The following CNTNAP2 variants were observed in gnomAD, a reference collection of about 807,000 sequenced individuals.
CNTNAP2 encodes the protein contactin associated protein 2, also known as contactin-associated protein-like 2.
A neutral mutation model predicts 155.2 loss-of-function variants in CNTNAP2; 98 were observed. The ratio of observed to expected loss-of-function variants is 0.63; its 90% confidence interval spans 0.54 to 0.75. The LOEUF is 0.75. CNTNAP2 is among the 30% of genes least tolerant of loss of function. The pLI is 0.00. For synonymous variants in CNTNAP2, 651 were observed against 631.2 expected, an observed-to-expected ratio of 1.03 and a Z score of -0.47; for missense variants, 1,727 against 1,688.1, an observed-to-expected ratio of 1.02 and a Z score of -0.40.
chr7:146,611,275 G>A (rs911701937), intron 1 of CNTNAP2, among the ~76,000 whole-genome samples: 6 of 151,912 alleles, frequency 3.9e-5, no homozygotes, highest in African/African-American at 1.5e-4. Flanking sequence ...TTTTTTTGTC[G>A]ATACAGAGTC....
intron 9 of CNTNAP2, among the ~76,000 whole-genome samples, chr7:147,378,982 C>T (rs73475214): frequency 0.025 from 3,819 of 152,092 alleles, 183 homozygotes; most frequent in African/African-American, 0.087. Context: ...CAGCAGTTCC[C>T]CCCATGCTAT....
intron 1 of CNTNAP2, among the ~76,000 whole-genome samples, chr7:146,284,337 A>G (rs897893574): frequency 1.3e-5 from 2 of 152,004 alleles, no homozygotes; most frequent in Non-Finnish European, 2.9e-5. Context: ...AACAATTTAT[A>G]GACATTTTAT....
chr7:147,238,901 T>G (rs1414231486), intron 8 of CNTNAP2, among the ~76,000 whole-genome samples: 1 of 152,236 alleles, frequency 6.6e-6, no homozygotes, highest in Admixed American at 6.5e-5. Context: ...AGGTTTGTTC[T>G]TATTTCTGGC....
At chr7:146,188,305 G>A (rs767807217) in intron 1 of CNTNAP2, among the ~76,000 whole-genome samples, 3 of 152,146 alleles carry the variant, frequency 2.0e-5, no homozygotes, top group East Asian at 1.9e-4. Flanking sequence ...TTTTTGGAAC[G>A]TGAATTACCG....
At chr7:148,251,662 C>T (rs1796364579) in intron 20 of CNTNAP2, among the ~76,000 whole-genome samples, 1 of 152,228 alleles carries the variant, frequency 6.6e-6, no homozygotes, top group African/African-American at 2.4e-5. Flanking sequence ...CTTCTCTCCT[C>T]AGTTCTCATC....
rs191590178 is a variant in CNTNAP2 at position 146,562,722 on chromosome 7, A to G, written c.98-211549A>G. ...TTTTTATGATAATGAAACAAAAAAT[A>G]CAGTTTCCAAAATATATTTTTCACT... On this transcript the variant is annotated intron_variant, in intron 1 of 23. Transcript: ENST00000361727. Among the ~76,000 whole-genome samples the G allele has an allele frequency of 6.9e-3, 1,048 of 152,312 alleles. 16 individuals are homozygous for G. Among genetic ancestry groups the G allele is most frequent in the African/African-American group, 0.024 (984 of 41,582 alleles).
At chr7:147,051,186 A>G (rs949743176) in intron 4 of CNTNAP2, among the ~76,000 whole-genome samples, 32 of 76,340 alleles carry the variant, frequency 4.2e-4, no homozygotes, top group African/African-American at 1.1e-3. Context: ...ATATATATGT[A>G]TATATATATA....
chr7:146,147,848 T>G (rs2116768957), intron 1 of CNTNAP2, among the ~76,000 whole-genome samples: 1 of 152,292 alleles, frequency 6.6e-6, no homozygotes, highest in African/African-American at 2.4e-5. Flanking sequence ...TTGATAGTGA[T>G]TTCTGCTAAT....
rs578230179 is a variant in CNTNAP2 at position 146,117,040 on chromosome 7, G to A, written c.97+67G>A. On this transcript the variant is annotated intron_variant, in intron 1 of 23. Transcript: ENST00000361727. Reference sequence around the variant, plus strand: ...TGCGGCATTGATGTTTGGCACCAGGGTATCAACTCCGAAGTGCATCGCAGT... The same window carrying A: ...TGCGGCATTGATGTTTGGCACCAGGATATCAACTCCGAAGTGCATCGCAGT... The A allele has an allele frequency of 1.8e-5, 24 of 1,367,458 alleles. No homozygotes were observed. In the African/African-American group the frequency reaches 2.9e-4, roughly 16 times the overall value. 84.7% of individuals were successfully genotyped at this position (1,367,458 alleles called of 1,614,324 possible).
chr7:147,841,064 T>G (rs1386294851), intron 13 of CNTNAP2, among the ~76,000 whole-genome samples: 1 of 152,134 alleles, frequency 6.6e-6, no homozygotes, highest in Non-Finnish European at 1.5e-5. Context: ...AAATATTAGT[T>G]TTTAATCAAT....
At chr7:148,181,781 G>C (rs1360934449) in intron 18 of CNTNAP2, among the ~76,000 whole-genome samples, 1 of 81,606 alleles carries the variant, frequency 1.2e-5, no homozygotes, top group Non-Finnish European at 2.1e-5. Flanking sequence ...TTTTTGAGAC[G>C]GAGTCTCGCA....
intron 14 of CNTNAP2, among the ~76,000 whole-genome samples, chr7:147,926,242 C>T (rs560548811): frequency 2.1e-4 from 32 of 152,284 alleles, no homozygotes; most frequent in Middle Eastern, 3.4e-3. Context: ...CCTCTCCCCA[C>T]GCCTCATCCT....
chr7:147,580,858 C>T (rs776321169), intron 12 of CNTNAP2, among the ~76,000 whole-genome samples: 15 of 152,162 alleles, frequency 9.9e-5, no homozygotes, highest in South Asian at 2.1e-4. Context: ...TCAGATGATC[C>T]GCCCGTCTCA....
At chr7:147,291,408 ATATGT>A (rs1365681505) in intron 8 of CNTNAP2, among the ~76,000 whole-genome samples, 1 of 152,160 alleles carries the variant, frequency 6.6e-6, no homozygotes, top group Non-Finnish European at 1.5e-5. Context: ...TATTCATAAA[ATATGT>A]TATTTTTATG....
At chr7:147,042,807 T>C (rs1250590378) in intron 3 of CNTNAP2, among the ~76,000 whole-genome samples, 3 of 152,108 alleles carry the variant, frequency 2.0e-5, no homozygotes, top group African/African-American at 4.8e-5. Flanking sequence ...TAATATCTTC[T>C]AAAAGATAAG....
At chr7:148,084,128 C>A (rs1449284003) in intron 15 of CNTNAP2, among the ~76,000 whole-genome samples, 1 of 152,194 alleles carries the variant, frequency 6.6e-6, no homozygotes, top group African/African-American at 2.4e-5. Context: ...TTTCTTAAAG[C>A]AGAGTTTGTT....
intron 3 of CNTNAP2, among the ~76,000 whole-genome samples, chr7:146,896,207 G>A (rs1044812255): frequency 2.0e-5 from 3 of 152,126 alleles, no homozygotes; most frequent in Non-Finnish European, 4.4e-5. Flanking sequence ...CCTCATCTTA[G>A]TTTTGCTATA....
chr7:146,501,634 G>A (rs1197989215), intron 1 of CNTNAP2, among the ~76,000 whole-genome samples: 1 of 151,502 alleles, frequency 6.6e-6, no homozygotes, highest in Non-Finnish European at 1.5e-5. Context: ...TTTTCTCTTT[G>A]TCAAAGTAGT....
chr7:148,043,470 T>C (rs889986055), intron 15 of CNTNAP2, among the ~76,000 whole-genome samples: 4 of 152,228 alleles, frequency 2.6e-5, no homozygotes, highest in African/African-American at 9.6e-5. Flanking sequence ...CCTGTCAAGC[T>C]AAGGCTTTAA....
Sources: allele counts gnomAD v4.1 joint callset (sites outside exome capture counted in the v4.1 genomes callset), GRCh38; gene constraint gnomAD v4.1.1; transcripts MANE v1.5; gene names NCBI Gene and HGNC (gene_info 2026-07-23, HGNC 2026-07-21).